MAF: variants seen among roughly 807,000 people sequenced by gnomAD.
MAF encodes the protein transcription factor Maf.
In MAF, 10 loss-of-function variants were observed where a neutral mutation model predicts 22.0. The ratio of observed to expected loss-of-function variants is 0.45; its 90% CI spans 0.28 to 0.77. The LOEUF is 0.77. MAF is among the 30% of genes least tolerant of loss of function. The pLI, the probability that MAF is intolerant of heterozygous loss-of-function variation, is 0.12. For synonymous variants in MAF, 337 were observed against 255.8 expected (o/e 1.32, Z -3.03); for missense variants, 544 against 548.4 (o/e 0.99, Z 0.08).
the MAF span, among the ~76,000 whole-genome samples, chr16:79,538,871 A>AAAAGAAAGAAAGAAAGAAAG: frequency 3.8e-5 from 4 of 104,340 alleles, no homozygotes; most frequent in Admixed American, 1.8e-4. Flanking sequence ...AAAAGAAAAG[A>AAAAGAAAGAAAGAAAGAAAG]AAAGAAAGAA....
At chr16:79,596,191 C>CTGTTT (rs1281780063) in intron 1 of MAF, 4 of 1,062,146 alleles carry the variant, frequency 3.8e-6, no homozygotes, top group Middle Eastern at 4.2e-4. Context: ...CCTAGTTCCA[C>CTGTTT]TGTTTTGTTT....
At chr16:79,522,030 G>A in the MAF span, among the ~76,000 whole-genome samples, 26 of 152,316 alleles carry the variant, frequency 1.7e-4, no homozygotes, top group East Asian at 5.0e-3. Context: ...TGTGAAGAAA[G>A]AGGTGTCAGC....
the MAF span, among the ~76,000 whole-genome samples, chr16:79,271,460 T>C: frequency 6.6e-6 from 1 of 152,154 alleles, no homozygotes; most frequent in South Asian, 2.1e-4. Context: ...CAGGATGGAA[T>C]TCGTGTAGCT....
the MAF span, among the ~76,000 whole-genome samples, chr16:79,427,688 C>T: frequency 6.6e-6 from 1 of 152,074 alleles, no homozygotes; most frequent in Admixed American, 6.6e-5. Flanking sequence ...GATCTGCTTG[C>T]CTGGAAAGCC....
the MAF span, among the ~76,000 whole-genome samples, chr16:79,496,422 C>T: frequency 2.6e-5 from 4 of 152,140 alleles, no homozygotes; most frequent in East Asian, 3.9e-4. Context: ...TTAGAACTGT[C>T]GTACACAGTG....
At chr16:79,522,785 C>T in the MAF span, among the ~76,000 whole-genome samples, 86 of 152,266 alleles carry the variant, frequency 5.6e-4, no homozygotes, top group East Asian at 0.012. Context: ...CATCTAATAT[C>T]ACGAATGTTT....
the MAF span, among the ~76,000 whole-genome samples, chr16:79,233,959 TC>T: frequency 2.7e-5 from 4 of 146,776 alleles, no homozygotes; most frequent in South Asian, 8.6e-4. Context: ...TCAACTGCAC[TC>T]CAGTCTGGGC....
At chr16:79,390,100 T>C in the MAF span, among the ~76,000 whole-genome samples, 15 of 151,668 alleles carry the variant, frequency 9.9e-5, no homozygotes, top group Admixed American at 5.2e-4. Context: ...TGCCTGAACA[T>C]GTGCATTGGT....
chr16:79,345,837 G>A, the MAF span, among the ~76,000 whole-genome samples: 2 of 151,044 alleles, frequency 1.3e-5, no homozygotes, highest in South Asian at 2.1e-4. Context: ...GCATATTGCT[G>A]GAGATTTAGG....
At chr16:79,565,201 G>T in the MAF span, among the ~76,000 whole-genome samples, 1 of 152,160 alleles carries the variant, frequency 6.6e-6, no homozygotes, top group Non-Finnish European at 1.5e-5. Flanking sequence ...TCTGCAAGCT[G>T]GGTCTATGGG....
At chr16:79,580,525 CAGTACCTCGGGGGAA>C in the MAF span, among the ~76,000 whole-genome samples, 2 of 152,290 alleles carry the variant, frequency 1.3e-5, no homozygotes, top group African/African-American at 4.8e-5. Context: ...GATGCAGAGA[CAGTACCTCGGGGGAA>C]AGAATGGGAT....
At chr16:79,342,274 T>G in the MAF span, among the ~76,000 whole-genome samples, 3 of 152,180 alleles carry the variant, frequency 2.0e-5, no homozygotes, top group Non-Finnish European at 4.4e-5. Context: ...GCTCTACAAG[T>G]GCCCCTTGCC....
the MAF span, among the ~76,000 whole-genome samples, chr16:79,251,963 T>A: frequency 6.6e-6 from 1 of 152,272 alleles, no homozygotes; most frequent in African/African-American, 2.4e-5. Flanking sequence ...AAATGCCTAA[T>A]TGATAAAACC....
chr16:79,366,760 C>T, the MAF span, among the ~76,000 whole-genome samples: 15 of 152,196 alleles, frequency 9.9e-5, no homozygotes, highest in Admixed American at 7.9e-4. Context: ...GTGCTAGAGA[C>T]CTCTGCTGAT....
downstream of MAF, among the ~76,000 whole-genome samples, chr16:79,585,449 G>A (rs1025194145): frequency 1.3e-5 from 2 of 152,018 alleles, no homozygotes; most frequent in South Asian, 2.1e-4. Context: ...ATGAGGCCCC[G>A]GTAAAACCGG....
the MAF span, among the ~76,000 whole-genome samples, chr16:79,363,275 T>C: frequency 6.6e-6 from 1 of 152,176 alleles, no homozygotes; most frequent in Non-Finnish European, 1.5e-5. Flanking sequence ...CAGCTCCTTC[T>C]TGACTTACAA....
chr16:79,562,588 CT>C, the MAF span, among the ~76,000 whole-genome samples: 2 of 152,168 alleles, frequency 1.3e-5, no homozygotes, highest in Admixed American at 6.5e-5. Context: ...GTCTTTCAGC[CT>C]TGTCCCTGAA....
the MAF span, among the ~76,000 whole-genome samples, chr16:79,490,138 G>C: frequency 6.6e-6 from 1 of 152,178 alleles, no homozygotes; most frequent in African/African-American, 2.4e-5. Context: ...AGAGTGAAAA[G>C]ATAAAAAGGG....
the MAF span, among the ~76,000 whole-genome samples, chr16:79,360,465 G>A: frequency 7.1e-4 from 108 of 152,242 alleles, no homozygotes; most frequent in African/African-American, 1.1e-3. Flanking sequence ...TGCCAGTGCC[G>A]TCTCTGAGCC....
Sources: gnomAD v4.1 joint callset for allele counts (sites outside exome capture counted in the v4.1 genomes callset) on GRCh38, gnomAD v4.1.1 for gene constraint, MANE v1.5 for transcripts, NCBI Gene and HGNC (gene_info 2026-07-23, HGNC 2026-07-21) for gene names.